Variants in PSPH observed in about 807,000 individuals in gnomAD.
PSPH encodes L-3-phosphoserine phosphatase.
A neutral mutation model predicts 23.4 loss-of-function variants in PSPH; 16 were observed. The observed-to-expected ratio is 0.68, with a 90% CI of 0.46 to 1.04. The LOEUF (loss-of-function observed/expected upper bound fraction) is 1.04, where lower values mean the gene tolerates loss of function less well. PSPH is among the 50% of genes least tolerant of loss of function. PSPH has a pLI of 0.00. For missense variants in PSPH, 223 were observed against 273.7 expected, an observed-to-expected ratio of 0.81 and a Z score of 1.31; for synonymous variants, 68 against 99.7, an observed-to-expected ratio of 0.68 and a Z score of 1.89.
chr7:56,018,092 T>A lies in PSPH; in HGVS notation c.276-713A>T, dbSNP rs146489473. On this transcript the variant is annotated intron_variant, in intron 5 of 7. Transcript: ENST00000275605. Reference sequence around the variant, plus strand: ...TGGGCGTGGTGGCTCACGCCTGTAATCCCAGCATTTTGGGAGGCCGAGGCA... The same window carrying A: ...TGGGCGTGGTGGCTCACGCCTGTAAACCCAGCATTTTGGGAGGCCGAGGCA... Among the ~76,000 whole-genome samples, 8 of 151,504 alleles carry A rather than the reference T, an allele frequency of 5.3e-5. No individual in the cohort carries two copies. The East Asian group carries it at 1.4e-3, about 27-fold the overall frequency.
intron 1 of PSPH, among the ~76,000 whole-genome samples, chr7:56,047,618 G>T (rs2117221864): frequency 6.6e-6 from 1 of 151,046 alleles, no homozygotes; most frequent in South Asian, 2.1e-4. Context: ...ATAATGCCTT[G>T]AAAAGGACAC....
chr7:56,037,084 G>C (rs1791822935), intron 1 of PSPH, among the ~76,000 whole-genome samples: 1 of 149,756 alleles, frequency 6.7e-6, no homozygotes, highest in Non-Finnish European at 1.5e-5. Flanking sequence ...TGAAGCAGGA[G>C]AATCACTTGA....
intron 1 of PSPH, among the ~76,000 whole-genome samples, chr7:56,049,563 C>T (rs187755816): frequency 2.0e-5 from 3 of 151,992 alleles, no homozygotes; most frequent in Non-Finnish European, 2.9e-5. Flanking sequence ...CTCAGCCTCC[C>T]GAGGAACTGG....
chr7:56,046,333 T>G (rs1164132239), intron 1 of PSPH, among the ~76,000 whole-genome samples: 1 of 152,024 alleles, frequency 6.6e-6, no homozygotes, highest in African/African-American at 2.4e-5. Context: ...AGACGGGGTT[T>G]CTCCATGATG....
chr7:56,014,980 C>A (rs1788391536), intron 7 of PSPH, 43 bp downstream of exon 7: 3 of 1,539,174 alleles, frequency 1.9e-6, no homozygotes, highest in Non-Finnish European at 1.8e-6. Context: ...ATAAATAAAA[C>A]AAAAGTACAA....
At chr7:56,017,999 A>C (rs1054481759) in intron 5 of PSPH, among the ~76,000 whole-genome samples, 5 of 151,070 alleles carry the variant, frequency 3.3e-5, no homozygotes, top group South Asian at 4.2e-4. Flanking sequence ...CTGGGATTAC[A>C]TGCATGAGCC....
At chr7:56,014,971 T>C in intron 7 of PSPH, 52 bp downstream of exon 7, 1 of 1,497,850 alleles carries the variant, frequency 6.7e-7, no homozygotes, top group Non-Finnish European at 9.0e-7. Flanking sequence ...AATAAATAAA[T>C]AAATAAAACA....
At chr7:56,047,287 G>A (rs115903913) in intron 1 of PSPH, among the ~76,000 whole-genome samples, 1,604 of 151,876 alleles carry the variant, frequency 0.011, 29 homozygotes, top group African/African-American at 0.036. Context: ...AGCTACTCAG[G>A]AGGCTGAGAT....
Position 56,025,599 on chromosome 7 carries a change from T to A in PSPH, c.-19-4368A>T, listed in dbSNP as rs575248690. Among the ~76,000 whole-genome samples, 12 of 151,984 alleles carry A rather than the reference T, an allele frequency of 7.9e-5. No individual in the cohort carries two copies. The South Asian group carries it at 1.9e-3, about 24-fold the overall frequency. On this transcript the variant is annotated intron_variant, in intron 3 of 7. Transcript: ENST00000275605. ...GGCTCAAGGAATACTAAGGACTTTT[T>A]TTTTTTTGAGACGGAGTCTTGCTCT...
chr7:56,016,140 T>G (rs905405382), intron 6 of PSPH, among the ~76,000 whole-genome samples: 23 of 151,638 alleles, frequency 1.5e-4, no homozygotes, highest in African/African-American at 5.1e-4. Context: ...GGCTCACGCC[T>G]GTAATCCCAA....
At chr7:56,018,724 G>A (rs1788922052) in intron 5 of PSPH, among the ~76,000 whole-genome samples, 1 of 151,916 alleles carries the variant, frequency 6.6e-6, no homozygotes, top group African/African-American at 2.4e-5. Context: ...CACTTTGGGA[G>A]GCTGAGGTGG....
Position 56,027,018 on chromosome 7 carries a change from C to T in PSPH, c.-20+4911G>A, listed in dbSNP as rs148131470. Among the ~76,000 whole-genome samples the T allele has an allele frequency of 2.5e-3, 387 of 151,848 alleles. 3 individuals are homozygous for T. In the Middle Eastern group the frequency reaches 0.031, roughly 12 times the overall value. Reference sequence around the variant, plus strand: ...GTTGGGAGTTCGAGACCAGCCTGACCAACATGGTGAAACCCCGTCTCTACT... The same window carrying T: ...GTTGGGAGTTCGAGACCAGCCTGACTAACATGGTGAAACCCCGTCTCTACT... On this transcript the variant is annotated intron_variant, in intron 3 of 7. Coordinates refer to ENST00000275605, the MANE Select transcript of PSPH (RefSeq NM_004577.4).
At chr7:56,025,678 C>T (rs541999824) in intron 3 of PSPH, among the ~76,000 whole-genome samples, 15 of 152,258 alleles carry the variant, frequency 9.9e-5, no homozygotes, top group Middle Eastern at 3.4e-3. Context: ...ACTGCAACCT[C>T]CCCATCCCGG....
At chr7:56,027,702 A>G (rs1790399273) in intron 3 of PSPH, among the ~76,000 whole-genome samples, 1 of 150,782 alleles carries the variant, frequency 6.6e-6, no homozygotes. Flanking sequence ...AAAAAAAAAA[A>G]AAGGCCAACC....
rs71015155 is a variant in PSPH, at chr7:56,011,589, TAAAA to T, written c.*169_*172del. The T allele has an allele frequency of 4.8e-4, 226 of 474,428 alleles. No homozygotes were observed. The highest frequency in any genetic ancestry group is 6.0e-4 in the Non-Finnish European group (160 of 267,036). 29.4% of individuals were successfully genotyped at this position (474,428 alleles called of 1,614,324 possible). ...CATCATATAATACTGGAACTACAGT[TAAAA>T]AAAAAAAAAAAGCAATCTTCTAGGA... On this transcript the variant is annotated 3_prime_UTR_variant, in exon 8 of 8. Coordinates refer to ENST00000275605, the MANE Select transcript of PSPH (RefSeq NM_004577.4).
At chr7:56,022,490 C>G (rs941364017) in intron 3 of PSPH, among the ~76,000 whole-genome samples, 9 of 151,928 alleles carry the variant, frequency 5.9e-5, no homozygotes, top group Non-Finnish European at 1.0e-4. Context: ...AGGAGGGAGG[C>G]TTGTGATGGC....
At chr7:56,036,385 A>G (rs949359574) in intron 1 of PSPH, among the ~76,000 whole-genome samples, 5 of 152,190 alleles carry the variant, frequency 3.3e-5, no homozygotes, top group African/African-American at 4.8e-5. Flanking sequence ...AACTTATGCT[A>G]TTATTTGTAT....
intron 1 of PSPH, among the ~76,000 whole-genome samples, chr7:56,039,760 GAA>G (rs900831097): frequency 1.0e-5 from 1 of 95,320 alleles, no homozygotes; most frequent in African/African-American, 4.4e-5. Flanking sequence ...TGGTGACAGA[GAA>G]AGACTCTGTC....
intron 4 of PSPH, 115 bp downstream of exon 4, chr7:56,020,958 T>C (rs972675837): frequency 1.4e-5 from 17 of 1,228,014 alleles, no homozygotes; most frequent in Admixed American, 3.9e-5. Flanking sequence ...CTCTAAGGAA[T>C]GAAAGAAAAA....
Sources: allele counts gnomAD v4.1 joint callset (sites outside exome capture counted in the v4.1 genomes callset), GRCh38; gene constraint gnomAD v4.1.1; transcripts MANE v1.5; gene names NCBI Gene and HGNC (gene_info 2026-07-23, HGNC 2026-07-21).